The following CCSER1 variants were observed in gnomAD, a reference collection of about 807,000 sequenced individuals.
CCSER1 encodes serine-rich coiled-coil domain-containing protein 1.
Under a neutral mutation model 82.0 loss-of-function variants are expected in CCSER1, and 41 were observed. That is an observed-to-expected ratio of 0.50 (90% CI 0.39 to 0.65). CCSER1 has a LOEUF of 0.65. Ranked by LOEUF, CCSER1 falls within the 30% of genes least tolerant of loss-of-function variation. The pLI, the probability that CCSER1 is intolerant of heterozygous loss-of-function variation, is 0.00. For synonymous variants in CCSER1, 414 were observed against 383.9 expected, an observed-to-expected ratio of 1.08 and a Z score of -0.92; for missense variants, 1,119 against 1,064.2, an observed-to-expected ratio of 1.05 and a Z score of -0.72.
chr4:91,443,464 A>G (rs1755335820), intron 10 of CCSER1, among the ~76,000 whole-genome samples: 1 of 134,050 alleles, frequency 7.5e-6, no homozygotes, highest in African/African-American at 2.8e-5. Flanking sequence ...ATGAGAACAC[A>G]TGGACACAGG....
chr4:90,210,950 T>C (rs1424950651), intron 1 of CCSER1, among the ~76,000 whole-genome samples: 1 of 152,156 alleles, frequency 6.6e-6, no homozygotes, highest in Non-Finnish European at 1.5e-5. Context: ...TGTTGTCTTA[T>C]GGGAGAGATG....
chr4:91,051,429 G>C (rs979480), intron 9 of CCSER1, among the ~76,000 whole-genome samples: 6,660 of 152,154 alleles, frequency 0.044, 440 homozygotes, highest in African/African-American at 0.14. Flanking sequence ...ATTGCTGTTA[G>C]AAATGTGAGT....
intron 9 of CCSER1, among the ~76,000 whole-genome samples, chr4:90,957,566 TA>T (rs535526828): frequency 0.012 from 1,627 of 130,642 alleles, 12 homozygotes; most frequent in Non-Finnish European, 0.018. Context: ...ATATATTATA[TA>T]ATTATATTAT....
At chr4:90,766,150 T>C (rs1751186910) in intron 7 of CCSER1, among the ~76,000 whole-genome samples, 1 of 152,168 alleles carries the variant, frequency 6.6e-6, no homozygotes, top group Non-Finnish European at 1.5e-5. Flanking sequence ...GGACTTGTCA[T>C]ATGCCAAAAT....
intron 10 of CCSER1, among the ~76,000 whole-genome samples, chr4:91,287,750 T>C (rs1267175826): frequency 1.3e-5 from 2 of 151,852 alleles, no homozygotes; most frequent in Admixed American, 1.3e-4. Context: ...CAGGGAAAAG[T>C]TTTAAGTGGC....
chr4:91,425,084 A>G (rs1753895101), intron 10 of CCSER1, among the ~76,000 whole-genome samples: 1 of 152,124 alleles, frequency 6.6e-6, no homozygotes, highest in Non-Finnish European at 1.5e-5. Context: ...TGGTTTATAT[A>G]TTTAAGAAAT....
At chr4:90,829,549 C>A (rs1760879486) in intron 8 of CCSER1, among the ~76,000 whole-genome samples, 2 of 152,080 alleles carry the variant, frequency 1.3e-5, no homozygotes, top group South Asian at 2.1e-4. Flanking sequence ...CTGTATGGGT[C>A]CATAGTAACT....
At chr4:91,593,085 C>T (rs997491355) in intron 10 of CCSER1, among the ~76,000 whole-genome samples, 4 of 152,098 alleles carry the variant, frequency 2.6e-5, no homozygotes, top group African/African-American at 9.7e-5. Flanking sequence ...CATCATCCAG[C>T]CTTAACAAAT....
intron 10 of CCSER1, among the ~76,000 whole-genome samples, chr4:91,485,513 G>A (rs1388284519): frequency 6.6e-6 from 1 of 152,094 alleles, no homozygotes; most frequent in Non-Finnish European, 1.5e-5. Flanking sequence ...TGAAGAAACA[G>A]GAGCCAGCGG....
intron 10 of CCSER1, among the ~76,000 whole-genome samples, chr4:91,192,094 C>G (rs1053245073): frequency 6.6e-6 from 1 of 152,116 alleles, no homozygotes; most frequent in African/African-American, 2.4e-5. Flanking sequence ...CTGCTGAGAC[C>G]CTTTGTGACA....
At chr4:91,378,308 T>C (rs572196603) in intron 10 of CCSER1, among the ~76,000 whole-genome samples, 2 of 152,244 alleles carry the variant, frequency 1.3e-5, no homozygotes, top group East Asian at 3.9e-4. Context: ...TAGCTTGATG[T>C]GGATGGCATT....
At chr4:90,994,965 G>A (rs551158533) in intron 9 of CCSER1, among the ~76,000 whole-genome samples, 4 of 152,098 alleles carry the variant, frequency 2.6e-5, no homozygotes, top group Non-Finnish European at 2.9e-5. Context: ...AATGCTTACC[G>A]CTTGCCAACA....
chr4:90,206,312 C>T (rs1478723924), intron 1 of CCSER1, among the ~76,000 whole-genome samples: 3 of 152,122 alleles, frequency 2.0e-5, no homozygotes, highest in Non-Finnish European at 4.4e-5. Context: ...TTAGATCTTT[C>T]CCGCTGTCTC....
intron 9 of CCSER1, among the ~76,000 whole-genome samples, chr4:90,948,938 G>A (rs1732584702): frequency 6.6e-6 from 1 of 151,976 alleles, no homozygotes; most frequent in Non-Finnish European, 1.5e-5. Flanking sequence ...GGATATGTAG[G>A]CATAATCACA....
intron 1 of CCSER1, among the ~76,000 whole-genome samples, chr4:90,259,246 G>A (rs1578800235): frequency 6.6e-6 from 1 of 152,170 alleles, no homozygotes; most frequent in Non-Finnish European, 1.5e-5. Context: ...ATTGCAAAAG[G>A]GATTGCGTTC....
Position 91,198,054 on chromosome 4 carries a change from A to T in CCSER1, c.2217+112060A>T, listed in dbSNP as rs372500025. Among the ~76,000 whole-genome samples, 16 of 152,306 alleles carry T rather than the reference A, an allele frequency of 1.1e-4. No individual in the cohort carries two copies. The East Asian group carries it at 2.9e-3, about 28-fold the overall frequency. ...TGTCTTTACAATTTCATTTTAAAAG[A>T]TCAATTCAAGCCATTACTTTTAAAT... On this transcript the variant is annotated intron_variant, in intron 10 of 10. Transcript: ENST00000509176.
intron 3 of CCSER1, among the ~76,000 whole-genome samples, chr4:90,362,224 C>T (rs772977677): frequency 2.6e-5 from 4 of 152,044 alleles, no homozygotes; most frequent in Admixed American, 6.6e-5. Flanking sequence ...AAATTTTGGA[C>T]GATAATACTG....
chr4:91,175,201 T>C (rs1406407516), intron 10 of CCSER1, among the ~76,000 whole-genome samples: 1 of 152,212 alleles, frequency 6.6e-6, no homozygotes, highest in Admixed American at 6.5e-5. Flanking sequence ...ATGTACCATA[T>C]TTTCTTAATC....
chr4:91,490,918 AT>A (rs1304650157), intron 10 of CCSER1, among the ~76,000 whole-genome samples: 9 of 88,650 alleles, frequency 1.0e-4, no homozygotes, highest in African/African-American at 1.6e-4. Flanking sequence ...ATATATATAT[AT>A]ATATATATAA....
Sources: allele counts gnomAD v4.1 joint callset (sites outside exome capture counted in the v4.1 genomes callset), GRCh38; gene constraint gnomAD v4.1.1; transcripts MANE v1.5; gene names NCBI Gene and HGNC (gene_info 2026-07-23, HGNC 2026-07-21).